IQCM: variants seen among roughly 807,000 people sequenced by gnomAD.
The protein encoded by IQCM is IQ motif containing M.
IQCM carries 45 observed loss-of-function variants against 57.6 expected under a neutral mutation model. That is an observed-to-expected ratio of 0.78 (90% CI 0.62 to 1.00). IQCM has a LOEUF of 1.00. Ranked by LOEUF, IQCM falls within the 50% of genes least tolerant of loss-of-function variation. The pLI, the probability that IQCM is intolerant of heterozygous loss-of-function variation, is 0.00. For missense variants in IQCM, 468 were observed against 511.6 expected, an observed-to-expected ratio of 0.91 and a Z score of 0.82; for synonymous variants, 148 against 158.9, an observed-to-expected ratio of 0.93 and a Z score of 0.51.
chr4:149,757,119 A>G (rs1769043352), intron 2 of IQCM, among the ~76,000 whole-genome samples: 1 of 151,964 alleles, frequency 6.6e-6, no homozygotes, highest in Middle Eastern at 3.4e-3. Flanking sequence ...TTAGCCGGGC[A>G]TGGTGGCAGG....
intron 13 of IQCM, among the ~76,000 whole-genome samples, chr4:149,371,196 C>A (rs535659542): frequency 1.3e-5 from 2 of 152,120 alleles, no homozygotes; most frequent in East Asian, 3.9e-4. Context: ...TGTAAATTAC[C>A]ACTAGATGTC....
intron 7 of IQCM, among the ~76,000 whole-genome samples, chr4:149,641,637 A>G (rs1758201349): frequency 6.6e-6 from 1 of 152,154 alleles, no homozygotes; most frequent in African/African-American, 2.4e-5. Flanking sequence ...TTTCCCAACC[A>G]TATTTTCCTC....
intron 8 of IQCM, among the ~76,000 whole-genome samples, chr4:149,618,980 T>G (rs1335887157): frequency 1.3e-5 from 2 of 152,068 alleles, no homozygotes; most frequent in Non-Finnish European, 2.9e-5. Flanking sequence ...ACTGGGTATT[T>G]ACCCAAACAA....
At chr4:149,739,869 A>C (rs987659630) in intron 3 of IQCM, among the ~76,000 whole-genome samples, 10 of 152,168 alleles carry the variant, frequency 6.6e-5, no homozygotes, top group Admixed American at 2.0e-4. Context: ...CATCAGCTTA[A>C]CACAATTGTG....
intron 2 of IQCM, among the ~76,000 whole-genome samples, chr4:149,772,966 T>C (rs922085355): frequency 3.9e-5 from 6 of 152,212 alleles, no homozygotes; most frequent in Non-Finnish European, 1.5e-5. Flanking sequence ...TTAAAGATCC[T>C]GGGAATGCTT....
chr4:149,706,012 C>T (rs1173706615), intron 5 of IQCM, among the ~76,000 whole-genome samples: 3 of 151,846 alleles, frequency 2.0e-5, no homozygotes, highest in Admixed American at 6.6e-5. Flanking sequence ...AAGTCATGTA[C>T]AAAATACACT....
At chr4:149,648,850 A>C (rs1287408449) in intron 7 of IQCM, among the ~76,000 whole-genome samples, 1 of 152,198 alleles carries the variant, frequency 6.6e-6, no homozygotes, top group Non-Finnish European at 1.5e-5. Context: ...ATACATATGT[A>C]ACAAACCTGC....
At chr4:149,759,156 T>C (rs1271487781) in intron 2 of IQCM, among the ~76,000 whole-genome samples, 2 of 152,176 alleles carry the variant, frequency 1.3e-5, no homozygotes, top group Non-Finnish European at 2.9e-5. Flanking sequence ...TGAAAGAAGC[T>C]AATCTGAAAA....
At chr4:149,682,799 T>C (rs1044719874) in intron 6 of IQCM, among the ~76,000 whole-genome samples, 1 of 151,102 alleles carries the variant, frequency 6.6e-6, no homozygotes, top group Non-Finnish European at 1.5e-5. Flanking sequence ...ACTATTATGA[T>C]GCTCATTGTA....
At chr4:149,445,373 A>G (rs891459828) in intron 12 of IQCM, among the ~76,000 whole-genome samples, 6 of 151,940 alleles carry the variant, frequency 3.9e-5, no homozygotes, top group African/African-American at 9.7e-5. Flanking sequence ...CATAAAACAT[A>G]TACGTAGTTA....
At chr4:149,632,702 C>T (rs902975996) in intron 7 of IQCM, among the ~76,000 whole-genome samples, 1 of 152,140 alleles carries the variant, frequency 6.6e-6, no homozygotes, top group Non-Finnish European at 1.5e-5. Context: ...CTCTCCTAGT[C>T]AGGGCTGGGA....
At chr4:149,751,195 C>T (rs1415879893) in intron 2 of IQCM, among the ~76,000 whole-genome samples, 2 of 152,206 alleles carry the variant, frequency 1.3e-5, no homozygotes, top group South Asian at 2.1e-4. Context: ...TGTGAATGAA[C>T]TGGAACCAGA....
At chr4:149,452,741 A>T (rs1261667310) in intron 12 of IQCM, among the ~76,000 whole-genome samples, 1 of 151,628 alleles carries the variant, frequency 6.6e-6, no homozygotes. Flanking sequence ...TATTATCGTT[A>T]TTGGTTTGTT....
intron 2 of IQCM, among the ~76,000 whole-genome samples, chr4:149,766,049 T>C (rs777738048): frequency 2.0e-5 from 3 of 152,024 alleles, no homozygotes; most frequent in Admixed American, 6.6e-5. Context: ...TTGAGAAATA[T>C]CTCCCATTCT....
intron 12 of IQCM, among the ~76,000 whole-genome samples, chr4:149,513,987 C>T (rs1744687032): frequency 6.6e-6 from 1 of 151,790 alleles, no homozygotes; most frequent in Non-Finnish European, 1.5e-5. Flanking sequence ...CTGAATAGAC[C>T]CCTTATCATT....
At chr4:149,399,613 C>T (rs554738009) in intron 13 of IQCM, among the ~76,000 whole-genome samples, 85 of 152,174 alleles carry the variant, frequency 5.6e-4, no homozygotes, top group African/African-American at 2.0e-3. Context: ...TGCCCTCACC[C>T]TGTTCTTCAA....
chr4:149,483,639 A>C (rs908862937), intron 12 of IQCM, among the ~76,000 whole-genome samples: 2 of 151,852 alleles, frequency 1.3e-5, no homozygotes, highest in African/African-American at 4.8e-5. Context: ...AAGATGCTTG[A>C]TGTTATTTCA....
chr4:149,601,333 C>T (rs1407944918), intron 8 of IQCM, among the ~76,000 whole-genome samples: 1 of 152,098 alleles, frequency 6.6e-6, no homozygotes, highest in East Asian at 1.9e-4. Context: ...TCAAATCTAT[C>T]TCTGATTGAA....
intron 12 of IQCM, among the ~76,000 whole-genome samples, chr4:149,502,401 G>T (rs374571573): frequency 6.6e-6 from 1 of 152,118 alleles, no homozygotes; most frequent in Non-Finnish European, 1.5e-5. Context: ...GCCTTTAAAG[G>T]CTCATGATTT....
Sources: allele counts gnomAD v4.1 joint callset (sites outside exome capture counted in the v4.1 genomes callset), GRCh38; gene constraint gnomAD v4.1.1; transcripts MANE v1.5; gene names NCBI Gene and HGNC (gene_info 2026-07-23, HGNC 2026-07-21).